The following RCAN2 variants were observed in gnomAD, a reference collection of about 807,000 sequenced individuals.
RCAN2 encodes the protein regulator of calcineurin 2, also known as calcipressin-2.
A neutral mutation model predicts 23.6 loss-of-function variants in RCAN2; 9 were observed. That is an observed-to-expected ratio of 0.38 (90% CI 0.23 to 0.67). The LOEUF (loss-of-function observed/expected upper bound fraction) is 0.67. RCAN2 is among the 30% of genes least tolerant of loss of function. The pLI, the probability that RCAN2 is intolerant of heterozygous loss-of-function variation, is 0.51. For missense variants in RCAN2, 273 were observed against 302.3 expected (o/e 0.90, Z 0.72); for synonymous variants, 109 against 115.7 (o/e 0.94, Z 0.37).
intron 4 of RCAN2, among the ~76,000 whole-genome samples, chr6:46,233,722 T>TTC (rs1491109223): frequency 1.1e-5 from 1 of 87,894 alleles, no homozygotes; most frequent in East Asian, 3.8e-4. Context: ...AGAACACTTC[T>TTC]TTTTTTTTTT....
intron 2 of RCAN2, among the ~76,000 whole-genome samples, chr6:46,425,719 A>T (rs1350066510): frequency 1.3e-5 from 2 of 151,732 alleles, no homozygotes; most frequent in Non-Finnish European, 2.9e-5. Flanking sequence ...TACTTACCTT[A>T]AAAAAAACAG....
chr6:46,444,409 A>G (rs1414109366), intron 2 of RCAN2, among the ~76,000 whole-genome samples: 2 of 152,180 alleles, frequency 1.3e-5, no homozygotes, highest in Admixed American at 6.5e-5. Context: ...GACAGTATCT[A>G]TACACAATGC....
At chr6:46,477,753 A>T (rs1768754504) in intron 1 of RCAN2, among the ~76,000 whole-genome samples, 1 of 152,154 alleles carries the variant, frequency 6.6e-6, no homozygotes, top group African/African-American at 2.4e-5. Flanking sequence ...TCAGTTGAAG[A>T]CCCGGCAAGG....
At chr6:46,365,787 T>G (rs958625468) in intron 2 of RCAN2, among the ~76,000 whole-genome samples, 1 of 152,250 alleles carries the variant, frequency 6.6e-6, no homozygotes, top group Non-Finnish European at 1.5e-5. Context: ...AGCTAGTTAT[T>G]TGATGAGCAA....
At chr6:46,392,855 T>G (rs571207198) in intron 2 of RCAN2, among the ~76,000 whole-genome samples, 1 of 152,238 alleles carries the variant, frequency 6.6e-6, no homozygotes, top group East Asian at 1.9e-4. Flanking sequence ...AGATCAATGG[T>G]TAAAGAGCTT....
At chr6:46,339,868 A>G (rs1218803223) in intron 2 of RCAN2, among the ~76,000 whole-genome samples, 1 of 152,154 alleles carries the variant, frequency 6.6e-6, no homozygotes. Flanking sequence ...CTGAGACTAC[A>G]CTGGGAATTT....
At chr6:46,372,384 C>T (rs1034177692) in intron 2 of RCAN2, among the ~76,000 whole-genome samples, 11 of 152,106 alleles carry the variant, frequency 7.2e-5, no homozygotes, top group African/African-American at 2.7e-4. Flanking sequence ...AAAATTAAAG[C>T]TTAGAGGTGG....
chr6:46,348,031 T>C (rs963297660), intron 2 of RCAN2, among the ~76,000 whole-genome samples: 6 of 152,316 alleles, frequency 3.9e-5, no homozygotes, highest in African/African-American at 1.4e-4. Context: ...CTGAGCAGAA[T>C]ACTACATTGT....
intron 2 of RCAN2, among the ~76,000 whole-genome samples, chr6:46,446,741 AT>A (rs1197727551): frequency 2.0e-5 from 3 of 152,202 alleles, no homozygotes. Context: ...GAGTTTTTTC[AT>A]GTGATCAAAT....
At chr6:46,225,713 A>G (rs2150303211) in intron 4 of RCAN2, among the ~76,000 whole-genome samples, 1 of 152,148 alleles carries the variant, frequency 6.6e-6, no homozygotes, top group South Asian at 2.1e-4. Context: ...AGATTGTAAA[A>G]ATTTTCTCCC....
chr6:46,396,537 T>A (rs541596835), intron 2 of RCAN2, among the ~76,000 whole-genome samples: 1 of 152,312 alleles, frequency 6.6e-6, no homozygotes, highest in East Asian at 1.9e-4. Flanking sequence ...TATGTGTGCT[T>A]GATACCTGCT....
intron 2 of RCAN2, among the ~76,000 whole-genome samples, chr6:46,410,283 T>C (rs968082137): frequency 6.6e-6 from 1 of 152,192 alleles, no homozygotes; most frequent in African/African-American, 2.4e-5. Flanking sequence ...GACTTAGCCT[T>C]CATCATTGCT....
At chr6:46,252,569 T>G (rs1412373932) in intron 2 of RCAN2, among the ~76,000 whole-genome samples, 1 of 152,110 alleles carries the variant, frequency 6.6e-6, no homozygotes, top group Non-Finnish European at 1.5e-5. Flanking sequence ...AAATTACAAC[T>G]GAGAAACTTG....
chr6:46,346,525 C>A (rs1764486675), intron 2 of RCAN2, among the ~76,000 whole-genome samples: 1 of 151,982 alleles, frequency 6.6e-6, no homozygotes, highest in African/African-American at 2.4e-5. Context: ...TATGTCTAAC[C>A]ATTAGGAAAT....
chr6:46,271,793 A>T (rs1021688529), intron 2 of RCAN2, among the ~76,000 whole-genome samples: 8 of 152,128 alleles, frequency 5.3e-5, no homozygotes. Context: ...TTATTCTGGG[A>T]AGTAGAAAGA....
chr6:46,334,647 C>T (rs776384806), intron 2 of RCAN2, among the ~76,000 whole-genome samples: 1 of 152,172 alleles, frequency 6.6e-6, no homozygotes, highest in Admixed American at 6.5e-5. Context: ...ACATTCTCCG[C>T]ATTGTGTAGA....
At chr6:46,341,825 T>A (rs1764327733) in intron 2 of RCAN2, among the ~76,000 whole-genome samples, 1 of 152,152 alleles carries the variant, frequency 6.6e-6, no homozygotes, top group Non-Finnish European at 1.5e-5. Flanking sequence ...AAAGTAAATG[T>A]CAGTCCTATA....
chr6:46,244,531 T>A (rs544087038), intron 4 of RCAN2, among the ~76,000 whole-genome samples: 9 of 152,188 alleles, frequency 5.9e-5, no homozygotes, highest in African/African-American at 1.7e-4. Flanking sequence ...TGACAACAAC[T>A]AATGTTCTTT....
intron 2 of RCAN2, among the ~76,000 whole-genome samples, chr6:46,386,564 C>T (rs139165826): frequency 0.017 from 2,516 of 145,092 alleles, 52 homozygotes; most frequent in South Asian, 0.12. Context: ...GCCGAGATCG[C>T]GCCACTGTAC....
Sources: gnomAD v4.1 joint callset for allele counts (sites outside exome capture counted in the v4.1 genomes callset) on GRCh38, gnomAD v4.1.1 for gene constraint, MANE v1.5 for transcripts, NCBI Gene and HGNC (gene_info 2026-07-23, HGNC 2026-07-21) for gene names.